The following NADSYN1 variants were observed in gnomAD, a reference collection of about 807,000 sequenced individuals.
The protein encoded by NADSYN1 is NAD synthetase 1, also known as glutamine-dependent NAD(+) synthetase.
In NADSYN1, 80 loss-of-function variants were observed where a neutral mutation model predicts 99.3. The ratio of observed to expected loss-of-function variants is 0.81; its 90% confidence interval spans 0.67 to 0.97. The LOEUF (loss-of-function observed/expected upper bound fraction) is 0.97, where lower values mean the gene tolerates loss of function less well. Among genes scored for constraint, NADSYN1 ranks in the 50% least tolerant of loss-of-function variants. NADSYN1 has a pLI of 0.00. For synonymous variants in NADSYN1, 385 were observed against 372.1 expected, an observed-to-expected ratio of 1.03 and a Z score of -0.40; for missense variants, 859 against 948.5, an observed-to-expected ratio of 0.91 and a Z score of 1.24.
chr11:71,476,272 G>A (rs537755469), intron 9 of NADSYN1: 337 of 360,424 alleles, frequency 9.4e-4, no homozygotes, highest in African/African-American at 6.6e-3. Context: ...TTAAAGCAGC[G>A]GATTCACCGA....
At chr11:71,465,495 CAT>C (rs1949581877) in intron 5 of NADSYN1, among the ~76,000 whole-genome samples, 1 of 152,190 alleles carries the variant, frequency 6.6e-6, no homozygotes, top group Non-Finnish European at 1.5e-5. Context: ...GTGCCACTTC[CAT>C]CTTGAATGAT....
At chr11:71,472,093 A>G (rs1949630880) in intron 5 of NADSYN1, among the ~76,000 whole-genome samples, 1 of 152,168 alleles carries the variant, frequency 6.6e-6, no homozygotes, top group African/African-American at 2.4e-5. Context: ...TGATTCAGTA[A>G]CAGCGATCAG....
At chr11:71,482,109 G>A in intron 13 of NADSYN1, 84 bp downstream of exon 13, 1 of 1,240,826 alleles carries the variant, frequency 8.1e-7, no homozygotes, top group Non-Finnish European at 1.1e-6. Context: ...GGGGGCAGAG[G>A]AAACACCCGT....
At chr11:71,498,701 G>T in intron 20 of NADSYN1, 173 bp downstream of exon 20, 2 of 656,936 alleles carry the variant, frequency 3.0e-6, no homozygotes, top group South Asian at 2.1e-5. Context: ...TACTTTTTTC[G>T]TGTTGACAAA....
At chr11:71,483,905 G>A (rs1195979252) in intron 14 of NADSYN1, among the ~76,000 whole-genome samples, 1 of 152,238 alleles carries the variant, frequency 6.6e-6, no homozygotes, top group Non-Finnish European at 1.5e-5. Flanking sequence ...GAGAAACCTT[G>A]AAGACATGGT....
rs1949834245 is a variant in NADSYN1, at chr11:71,498,333, T to C, written c.1894-19T>C. The C allele has an allele frequency of 1.2e-6, 2 of 1,613,414 alleles. No individual in the cohort carries two copies. The highest frequency in any genetic ancestry group is 1.7e-6 in the Non-Finnish European group (2 of 1,179,640). On this transcript the variant is annotated intron_variant, in intron 19 of 20. Transcript: ENST00000319023. ...TCCAGTTTTGGTAACATGAAGCTCG[T>C]GTGTTGCACGCCCACCAGGTCGCTG...
intron 20 of NADSYN1, among the ~76,000 whole-genome samples, chr11:71,500,412 G>T (rs1054472112): frequency 5.3e-5 from 8 of 152,286 alleles, no homozygotes; most frequent in African/African-American, 1.7e-4. Context: ...GCGATGACTG[G>T]AGATGATTTT....
chr11:71,477,848 G>A (rs1023223113), intron 9 of NADSYN1, among the ~76,000 whole-genome samples: 1 of 152,226 alleles, frequency 6.6e-6, no homozygotes, highest in African/African-American at 2.4e-5. Flanking sequence ...GTGTTGGCCT[G>A]TCTCAGATTG....
In NADSYN1 at chr11:71,501,541, G is replaced by C; in HGVS notation, c.*189G>C. On this transcript the variant is annotated 3_prime_UTR_variant, in exon 21 of 21. Transcript: ENST00000319023. The stretch of plus-strand genomic sequence containing the variant: ...GGAATAAAGCCTGGGCTTAAAAAGA[G>C]GCTGGAATCCAATGCACATGATTTT... 1.7e-6 allele frequency: 1 copy of C among 589,704 alleles called. No individual in the cohort carries two copies. Among genetic ancestry groups the C allele is most frequent in the South Asian group, 2.2e-5 (1 of 46,488 alleles). 36.5% of individuals were successfully genotyped at this position (589,704 alleles called of 1,614,324 possible).
intron 5 of NADSYN1, among the ~76,000 whole-genome samples, chr11:71,471,819 A>T (rs759860625): frequency 2.6e-5 from 4 of 152,192 alleles, no homozygotes; most frequent in Non-Finnish European, 4.4e-5. Flanking sequence ...CATGCCCAGA[A>T]GGCTCCTGGG....
At chr11:71,494,746 G>A (rs1485297130) in intron 18 of NADSYN1, among the ~76,000 whole-genome samples, 1 of 152,102 alleles carries the variant, frequency 6.6e-6, no homozygotes, top group African/African-American at 2.4e-5. Context: ...GTAGAGACGG[G>A]GTTTTTCCAT....
intron 14 of NADSYN1, among the ~76,000 whole-genome samples, chr11:71,483,533 A>G (rs1949722883): frequency 6.6e-6 from 1 of 152,196 alleles, no homozygotes; most frequent in Non-Finnish European, 1.5e-5. Flanking sequence ...ATGTGAGGAC[A>G]GTGGAAGGAG....
rs111360397 is a variant in NADSYN1 at position 71,498,389 on chromosome 11, C to T, written c.1931C>T (p.Ser644Phe). ...GTGAAGCGGTTTTTCTCCAAGTACT[C>T]CATGAACAGACACAAGATGACCACG... ...DKVKRFFSKY[S>F]MNRHKMTTLT... Residue 644 changes from serine (S) to phenylalanine (F), a missense_variant, in exon 20 of 21, where the codon TCC becomes TTC. Ser to Phe is a radical substitution (Grantham distance 155, BLOSUM62 -2). Transcript: ENST00000319023. 6.2e-7 allele frequency: 1 copy of T among 1,614,110 alleles called. No homozygotes were observed. The highest frequency in any genetic ancestry group is 8.5e-7 in the Non-Finnish European group (1 of 1,180,054).
intron 18 of NADSYN1, among the ~76,000 whole-genome samples, chr11:71,495,167 C>A (rs1299401126): frequency 6.6e-6 from 1 of 152,076 alleles, no homozygotes. Flanking sequence ...TTTATAGCTA[C>A]AAATTTCCCT....
chr11:71,472,951 G>C (rs1949637339), intron 6 of NADSYN1, among the ~76,000 whole-genome samples: 2 of 152,246 alleles, frequency 1.3e-5, no homozygotes, highest in Non-Finnish European at 2.9e-5. Flanking sequence ...CAGGGCAGCA[G>C]CTGCTTCAGT....
intron 9 of NADSYN1, among the ~76,000 whole-genome samples, chr11:71,477,667 A>G (rs1300245459): frequency 6.6e-6 from 1 of 152,200 alleles, no homozygotes; most frequent in Non-Finnish European, 1.5e-5. Flanking sequence ...CCCCTACCAT[A>G]GCCGGGTTCA....
chr11:71,487,272 G>A (rs1409839669), intron 16 of NADSYN1, among the ~76,000 whole-genome samples: 1 of 152,070 alleles, frequency 6.6e-6, no homozygotes, highest in Non-Finnish European at 1.5e-5. Flanking sequence ...CCTTTGTAAG[G>A]GACTGATTTT....
chr11:71,482,824 C>T (rs373344032), intron 13 of NADSYN1, 25 bp from the exon 14 acceptor site: 21 of 1,610,484 alleles, frequency 1.3e-5, no homozygotes, highest in East Asian at 4.5e-5. Flanking sequence ...GTGACTTCCA[C>T]CCATTCTGTC....
chr11:71,465,527 C>T (rs959246940), intron 5 of NADSYN1, among the ~76,000 whole-genome samples: 1 of 152,168 alleles, frequency 6.6e-6, no homozygotes, highest in Non-Finnish European at 1.5e-5. Context: ...CCATCTTCAC[C>T]CGGTTGACAT....
Sources: gnomAD v4.1 joint callset for allele counts (sites outside exome capture counted in the v4.1 genomes callset) on GRCh38, gnomAD v4.1.1 for gene constraint, MANE v1.5 for transcripts, NCBI Gene and HGNC (gene_info 2026-07-23, HGNC 2026-07-21) for gene names.